The following C6 variants were observed in gnomAD, a reference collection of about 807,000 sequenced individuals.
C6 encodes complement component C6.
In C6, 101 loss-of-function variants were observed where a neutral mutation model predicts 112.9. The ratio of observed to expected loss-of-function variants is 0.89; its 90% CI spans 0.76 to 1.06. C6 has a LOEUF of 1.06. C6 is among the 50% of genes least tolerant of loss of function. The pLI is 0.00. For missense variants in C6, 1,202 were observed against 1,104.6 expected, an observed-to-expected ratio of 1.09 and a Z score of -1.25; for synonymous variants, 431 against 384.1, an observed-to-expected ratio of 1.12 and a Z score of -1.43.
chr5:41,254,613 C>T (rs1363729421), intron 1 of C6, among the ~76,000 whole-genome samples: 1 of 152,138 alleles, frequency 6.6e-6, no homozygotes, highest in Non-Finnish European at 1.5e-5. Context: ...AGAACCTTCA[C>T]AATTATTCTA....
rs373034372 is a variant in C6, at chr5:41,150,445, A to C, written c.2291-420T>G. Among the ~76,000 whole-genome samples the C allele has an allele frequency of 1.1e-4, 17 of 152,336 alleles. No homozygotes were observed. The South Asian group carries it at 3.5e-3, about 32-fold the overall frequency. ...CAGACATTAATCAAATGAGCACACT[A>C]ATATAAATATAGAATTGTTGCCTTT... On this transcript the variant is annotated intron_variant, in intron 15 of 17. Coordinates refer to ENST00000337836, the MANE Select transcript of C6 (RefSeq NM_000065.5).
chr5:41,180,918 G>A (rs574730868), intron 7 of C6, among the ~76,000 whole-genome samples: 263 of 151,090 alleles, frequency 1.7e-3, no homozygotes, highest in Non-Finnish European at 3.0e-3. Context: ...GTAAATGTGC[G>A]TGTGTTTACA....
At chr5:41,201,375 A>C (rs1751018185) in intron 3 of C6, among the ~76,000 whole-genome samples, 183 bp downstream of exon 3, 1 of 152,196 alleles carries the variant, frequency 6.6e-6, no homozygotes, top group Admixed American at 6.5e-5. Flanking sequence ...ACAGTAAAAT[A>C]CATAAAATAA....
intron 1 of C6, among the ~76,000 whole-genome samples, chr5:41,241,363 T>G (rs999399584): frequency 2.6e-5 from 4 of 152,160 alleles, no homozygotes; most frequent in African/African-American, 9.7e-5. Context: ...AAGCTGGCGC[T>G]AGCACACCAC....
chr5:41,243,069 A>G (rs552398620), intron 1 of C6, among the ~76,000 whole-genome samples: 5 of 152,228 alleles, frequency 3.3e-5, no homozygotes, highest in Non-Finnish European at 4.4e-5. Flanking sequence ...TTTTCTTTTG[A>G]GTTCTATTGT....
chr5:41,190,060 G>T (rs1750079199), intron 5 of C6, among the ~76,000 whole-genome samples: 1 of 152,114 alleles, frequency 6.6e-6, no homozygotes. Context: ...GAACAGTGCT[G>T]CAAATAAACT....
At chr5:41,181,070 G>T (rs1749292304) in intron 7 of C6, among the ~76,000 whole-genome samples, 1 of 151,590 alleles carries the variant, frequency 6.6e-6, no homozygotes, top group South Asian at 2.1e-4. Flanking sequence ...AAAGGTCAAA[G>T]TTCTGTTGTA....
chr5:41,230,682 C>G (rs1739840836), intron 1 of C6, among the ~76,000 whole-genome samples: 1 of 152,032 alleles, frequency 6.6e-6, no homozygotes, highest in African/African-American at 2.4e-5. Context: ...TCCTTGTGAC[C>G]TACTCTCTGT....
chr5:41,202,611 T>C (rs1751114354), intron 2 of C6, among the ~76,000 whole-genome samples: 1 of 152,226 alleles, frequency 6.6e-6, no homozygotes, highest in Non-Finnish European at 1.5e-5. Flanking sequence ...ACAAGAAGTC[T>C]GAATTGGTGA....
rs1169299788 is a variant in C6, at chr5:41,155,047, A to C, written c.2026T>G (p.Phe676Val). ...AAGTACTGGTATCCAACAGTTTCAA[A>C]GCCAGTAAGGCATGAAATTTCAACA... ...EDVEISCLTGFETVGYQYFRC... is the reference protein window; with the variant it reads ...EDVEISCLTGVETVGYQYFRC... Residue 676 changes from phenylalanine to valine, a missense_variant, in exon 14 of 18, where the codon TTT (phenylalanine) becomes GTT (valine). Transcript: ENST00000337836. 1.3e-5 allele frequency: 21 copies of C among 1,613,588 alleles called. No individual in the cohort carries two copies. Among genetic ancestry groups the C allele is most frequent in the Non-Finnish European group, 1.8e-5 (21 of 1,179,556 alleles).
intron 1 of C6, among the ~76,000 whole-genome samples, chr5:41,247,069 G>A (rs1741064365): frequency 6.6e-6 from 1 of 152,038 alleles, no homozygotes; most frequent in African/African-American, 2.4e-5. Flanking sequence ...CTTTCCTTGT[G>A]CCTACATGCC....
At chr5:41,253,374 A>G (rs1423016872) in intron 1 of C6, among the ~76,000 whole-genome samples, 3 of 151,934 alleles carry the variant, frequency 2.0e-5, no homozygotes, top group Non-Finnish European at 4.4e-5. Context: ...CCAAATTTTT[A>G]TCTCATAAAT....
At chr5:41,249,845 C>G (rs112820437) in intron 1 of C6, among the ~76,000 whole-genome samples, 1 of 152,064 alleles carries the variant, frequency 6.6e-6, no homozygotes. Flanking sequence ...GACAGAATGA[C>G]TAACTTACAG....
At chr5:41,254,173 G>T (rs1223569366) in intron 1 of C6, among the ~76,000 whole-genome samples, 2 of 152,172 alleles carry the variant, frequency 1.3e-5, no homozygotes, top group East Asian at 3.8e-4. Flanking sequence ...AGGCCGAGGT[G>T]GGTGGATCAC....
At chr5:41,166,314 C>T (rs1274024028) in intron 9 of C6, among the ~76,000 whole-genome samples, 3 of 152,050 alleles carry the variant, frequency 2.0e-5, no homozygotes, top group Non-Finnish European at 2.9e-5. Context: ...CAAATTTATG[C>T]TCAAGCTAAA....
At chr5:41,209,548 A>T (rs1421185368) in intron 1 of C6, among the ~76,000 whole-genome samples, 1 of 152,230 alleles carries the variant, frequency 6.6e-6, no homozygotes, top group South Asian at 2.1e-4. Context: ...TCAATGTGCA[A>T]AAATCACAGA....
At chr5:41,183,568 T>C (rs1186259002) in intron 6 of C6, among the ~76,000 whole-genome samples, 1 of 152,116 alleles carries the variant, frequency 6.6e-6, no homozygotes, top group African/African-American at 2.4e-5. Context: ...GGAAAGCAGT[T>C]TGGATATTTC....
chr5:41,143,483 C>G (rs1354625831), intron 17 of C6, among the ~76,000 whole-genome samples: 4 of 152,194 alleles, frequency 2.6e-5, no homozygotes, highest in Non-Finnish European at 5.9e-5. Context: ...ATTGGCATTG[C>G]CTAACTACAT....
chr5:41,160,004 T>C (rs1747320222), intron 11 of C6, 138 bp downstream of exon 11: 2 of 720,868 alleles, frequency 2.8e-6, no homozygotes. Context: ...CTCACACTTT[T>C]TGCAGGTTTA....
Sources: gnomAD v4.1 joint callset for allele counts (sites outside exome capture counted in the v4.1 genomes callset) on GRCh38, gnomAD v4.1.1 for gene constraint, MANE v1.5 for transcripts, NCBI Gene and HGNC (gene_info 2026-07-23, HGNC 2026-07-21) for gene names.